Variants in SIK2 observed in about 807,000 individuals in gnomAD.
The protein encoded by SIK2 is serine/threonine-protein kinase SIK2.
In SIK2, 29 loss-of-function variants were observed where a neutral mutation model predicts 103.2. That is an observed-to-expected ratio of 0.28 (90% confidence interval 0.21 to 0.38). The LOEUF is 0.38. SIK2 is among the 10% of genes least tolerant of loss of function. SIK2 has a pLI of 1.00. For synonymous variants in SIK2, 412 were observed against 446.1 expected (o/e 0.92, Z 0.96); for missense variants, 879 against 1,171.0 (o/e 0.75, Z 3.64).
rs150560721 is a variant in SIK2, at chr11:111,727,230, C to G, written c.*3101C>G. On this transcript the variant is annotated 3_prime_UTR_variant, in exon 15 of 15. Coordinates refer to ENST00000304987, the MANE Select transcript of SIK2 (RefSeq NM_015191.3). Reference sequence around the variant, plus strand: ...ACACCATCCACCTTGAGAATCCCTGCGTGGGAGAGCATCAGGGCCCACCAG... The same window carrying G: ...ACACCATCCACCTTGAGAATCCCTGGGTGGGAGAGCATCAGGGCCCACCAG... 7.7e-3 allele frequency: 4,807 copies of G among 625,758 alleles called. 23 individuals carry two copies. Among genetic ancestry groups the G allele is most frequent in the Middle Eastern group, 0.022 (52 of 2,326 alleles). The allele number at this position is 625,758 out of a possible 1,614,324, so 38.8% of individuals were successfully genotyped here.
In SIK2 at chr11:111,730,174, T is replaced by C. The variant is rs1350908824; in HGVS notation, c.*6045T>C. ...TCTTTTCAGAGGCAAAGTGGGTGGG[T>C]AGAGGGGAGCTTTAAAAATAGAAGT... On this transcript the variant is annotated 3_prime_UTR_variant, in exon 15 of 15. Transcript: ENST00000304987. 6.6e-6 allele frequency: 1 copy of C among 152,074 alleles called. No homozygotes were observed. The highest frequency in any genetic ancestry group is 1.5e-5 in the Non-Finnish European group (1 of 68,024). The allele number at this position is 152,074 out of a possible 1,614,324, so 9.4% of individuals were successfully genotyped here. A position where few individuals can be genotyped will look rare whatever the true frequency, so the allele number is the denominator to read the frequency against.
At position 111,730,184 on chromosome 11, in the gene SIK2, C is replaced by T. The variant is rs1178180675; in HGVS notation, c.*6055C>T. Reference sequence around the variant, plus strand: ...GGCAAAGTGGGTGGGTAGAGGGGAGCTTTAAAAATAGAAGTACAAAACAAC... The same window carrying T: ...GGCAAAGTGGGTGGGTAGAGGGGAGTTTTAAAAATAGAAGTACAAAACAAC... On this transcript the variant is annotated 3_prime_UTR_variant, in exon 15 of 15. Coordinates refer to ENST00000304987, the MANE Select transcript of SIK2 (RefSeq NM_015191.3). 6.6e-6 allele frequency: 1 copy of T among 152,180 alleles called. No homozygotes were observed. The highest frequency in any genetic ancestry group is 1.5e-5 in the Non-Finnish European group (1 of 68,024). The allele number at this position is 152,180 out of a possible 1,614,324, so 9.4% of individuals were successfully genotyped here.
chr11:111,641,432 A>C (rs58666637), intron 3 of SIK2, among the ~76,000 whole-genome samples: 3,676 of 152,186 alleles, frequency 0.024, 94 homozygotes, highest in African/African-American at 0.062. Flanking sequence ...TCTTCTTCTG[A>C]CCCTGAATTA....
chr11:111,625,516 A>G (rs1055382199), intron 3 of SIK2, among the ~76,000 whole-genome samples: 1 of 152,250 alleles, frequency 6.6e-6, no homozygotes, highest in Non-Finnish European at 1.5e-5. Context: ...AGAAACTAGC[A>G]GAAGAGACAG....
chr11:111,617,796 T>C (rs1304205731), intron 2 of SIK2, among the ~76,000 whole-genome samples: 1 of 10,934 alleles, frequency 9.1e-5, no homozygotes, highest in African/African-American at 1.1e-4. Context: ...ATGCAATGTG[T>C]GTTTATATAT....
chr11:111,688,294 T>G lies in SIK2; in HGVS notation c.478+132T>G. On this transcript the variant is annotated intron_variant, in intron 4 of 14. Transcript: ENST00000304987. The surrounding 1 kb of genome is among the most constrained non-coding windows in gnomAD (Gnocchi z 4.2). ...CATCAGGCTATCTCAAAGTCCATTTTATTCATTTCCTTAGTTCTGTGTGTA... is the reference window on the plus strand; with the variant it reads ...CATCAGGCTATCTCAAAGTCCATTTGATTCATTTCCTTAGTTCTGTGTGTA... 1 of 850,350 alleles carries G rather than the reference T, an allele frequency of 1.2e-6. No individual in the cohort carries two copies. Among genetic ancestry groups the G allele is most frequent in the Non-Finnish European group, 1.8e-6 (1 of 544,622 alleles). 52.7% of individuals were successfully genotyped at this position (850,350 alleles called of 1,614,324 possible). A position where few individuals can be genotyped will look rare whatever the true frequency, so the allele number is the denominator to read the frequency against.
At chr11:111,633,865 C>T (rs919583017) in intron 3 of SIK2, among the ~76,000 whole-genome samples, 1 of 152,094 alleles carries the variant, frequency 6.6e-6, no homozygotes, top group Admixed American at 6.6e-5. Context: ...GCTTAAGAGT[C>T]CTTGGGTTAT....
chr11:111,665,616 G>C (rs1476586452), intron 3 of SIK2, among the ~76,000 whole-genome samples: 1 of 151,948 alleles, frequency 6.6e-6, no homozygotes, highest in Non-Finnish European at 1.5e-5. Context: ...CTGAGGTGGG[G>C]AGTTTGAGAC....
rs1282708656 is a variant in SIK2, at chr11:111,722,381, A to G, written c.2056-284A>G. Among the ~76,000 whole-genome samples, 1 of 152,222 alleles carries G rather than the reference A, an allele frequency of 6.6e-6. No individual in the cohort carries two copies. Among genetic ancestry groups the G allele is most frequent in the Non-Finnish European group, 1.5e-5 (1 of 68,040 alleles). ...GGGTGCTGGGGCCTTTGCTCTCAAGATCTAACTCCACCTTTCTCATTGCTT... is the reference window on the plus strand; with the variant it reads ...GGGTGCTGGGGCCTTTGCTCTCAAGGTCTAACTCCACCTTTCTCATTGCTT... On this transcript the variant is annotated intron_variant, in intron 13 of 14. Coordinates refer to ENST00000304987, the MANE Select transcript of SIK2 (RefSeq NM_015191.3). This position sits in a 1 kb window ranked among gnomAD's most constrained non-coding sequence, Gnocchi z 4.4.
chr11:111,637,461 T>C (rs1269484890), intron 3 of SIK2, among the ~76,000 whole-genome samples: 1 of 145,438 alleles, frequency 6.9e-6, no homozygotes, highest in African/African-American at 2.5e-5. Context: ...AATATCTTTT[T>C]TTTTTTTTTT....
intron 3 of SIK2, among the ~76,000 whole-genome samples, chr11:111,685,598 C>T (rs550668554): frequency 6.6e-6 from 1 of 152,248 alleles, no homozygotes; most frequent in South Asian, 2.1e-4. Context: ...AATCCCAGCA[C>T]TTTGGGAGGC....
intron 10 of SIK2, 127 bp downstream of exon 10, chr11:111,720,130 G>C: frequency 1.1e-6 from 1 of 930,140 alleles, no homozygotes; most frequent in Admixed American, 2.1e-5. Context: ...TTATGGATTA[G>C]ATTCAGCAGG....
At chr11:111,603,662 A>G (rs1401699567) in intron 1 of SIK2, among the ~76,000 whole-genome samples, 1 of 152,110 alleles carries the variant, frequency 6.6e-6, no homozygotes, top group Non-Finnish European at 1.5e-5. Flanking sequence ...TAAGACGTGC[A>G]AATTAAATAC....
At chr11:111,603,053 C>T (rs568378718) in intron 1 of SIK2, among the ~76,000 whole-genome samples, 9 of 152,140 alleles carry the variant, frequency 5.9e-5, no homozygotes, top group East Asian at 3.9e-4. Context: ...TCCGCGTCTT[C>T]CCTGCTTTCG....
chr11:111,634,109 C>T (rs1035550633), intron 3 of SIK2, among the ~76,000 whole-genome samples: 5 of 152,030 alleles, frequency 3.3e-5, no homozygotes, highest in Admixed American at 6.6e-5. Context: ...ATTAAATTAC[C>T]CAGGGTCTTT....
intron 3 of SIK2, among the ~76,000 whole-genome samples, chr11:111,655,175 G>A (rs911902171): frequency 1.3e-5 from 2 of 152,206 alleles, no homozygotes; most frequent in East Asian, 1.9e-4. Flanking sequence ...GCCAAGGCAC[G>A]CAGATCACTT....
At chr11:111,702,356 G>A (rs1015604663) in intron 6 of SIK2, among the ~76,000 whole-genome samples, 4 of 152,190 alleles carry the variant, frequency 2.6e-5, no homozygotes, top group Admixed American at 6.5e-5. Flanking sequence ...AGGCTGAGGC[G>A]GGAGGATCTC....
chr11:111,657,242 GA>G (rs1437390954), intron 3 of SIK2, among the ~76,000 whole-genome samples: 3 of 152,166 alleles, frequency 2.0e-5, no homozygotes, highest in African/African-American at 7.2e-5. Flanking sequence ...TGCCTTTGCT[GA>G]TAAACTCTCA....
chr11:111,682,892 T>G (rs1942794940), intron 3 of SIK2, among the ~76,000 whole-genome samples: 1 of 152,188 alleles, frequency 6.6e-6, no homozygotes, highest in Non-Finnish European at 1.5e-5. Flanking sequence ...AATTAGCCAG[T>G]CTGTTGCAGA....
Sources: allele counts gnomAD v4.1 joint callset (sites outside exome capture counted in the v4.1 genomes callset), GRCh38; gene constraint gnomAD v4.1.1; non-coding constraint Gnocchi (gnomAD v3.1); transcripts MANE v1.5; gene names NCBI Gene and HGNC (gene_info 2026-07-23, HGNC 2026-07-21).